Variants in GALK2 observed in about 807,000 individuals in gnomAD.
GALK2 encodes the protein N-acetylgalactosamine kinase.
A neutral mutation model predicts 52.4 loss-of-function variants in GALK2; 36 were observed. The observed-to-expected ratio is 0.69, with a 90% CI of 0.53 to 0.91. The LOEUF (loss-of-function observed/expected upper bound fraction) is 0.91, where lower values mean the gene tolerates loss of function less well. GALK2 is among the 40% of genes least tolerant of loss of function. The pLI is 0.00. For synonymous variants in GALK2, 176 were observed against 199.1 expected (o/e 0.88, Z 0.98); for missense variants, 579 against 559.1 (o/e 1.04, Z -0.36).
At chr15:49,344,496 C>T (rs561184780) in intron 3 of GALK2, among the ~76,000 whole-genome samples, 4 of 152,286 alleles carry the variant, frequency 2.6e-5, no homozygotes, top group African/African-American at 9.6e-5. Context: ...AGTTTCTCCT[C>T]TCATCCCCAA....
At chr15:49,366,557 A>G in intron 3 of GALK2, 1 of 1,592,240 alleles carries the variant, frequency 6.3e-7, no homozygotes, top group Non-Finnish European at 8.6e-7. Context: ...GTTATAAAGC[A>G]TGCAGTAGTC....
At chr15:49,247,814 A>G (rs1320250596) in intron 5 of GALK2, among the ~76,000 whole-genome samples, 2 of 152,228 alleles carry the variant, frequency 1.3e-5, no homozygotes, top group Admixed American at 1.3e-4. Flanking sequence ...TTGCAGCCTC[A>G]TGAAATTCCT....
At chr15:49,353,595 AAGTTGAAG>A (rs2042573614) in intron 3 of GALK2, 1 of 150,752 alleles carries the variant, frequency 6.6e-6, no homozygotes, top group African/African-American at 2.5e-5. Flanking sequence ...CCAATTTTTG[AAGTTGAAG>A]GAAAATAAGG....
At chr15:49,204,331 T>G (rs1457676251) in intron 2 of GALK2, among the ~76,000 whole-genome samples, 1 of 151,804 alleles carries the variant, frequency 6.6e-6, no homozygotes, top group Non-Finnish European at 1.5e-5. Context: ...TTTGGTTTTT[T>G]GGGGTCTTTT....
chr15:49,273,707 C>T (rs925865668), intron 5 of GALK2, among the ~76,000 whole-genome samples: 2 of 152,024 alleles, frequency 1.3e-5, no homozygotes, highest in African/African-American at 4.8e-5. Flanking sequence ...TGGGCTCTAC[C>T]TAATATGTTT....
chr15:49,273,087 G>A (rs1348791373), intron 5 of GALK2, among the ~76,000 whole-genome samples: 1 of 152,154 alleles, frequency 6.6e-6, no homozygotes, highest in Non-Finnish European at 1.5e-5. Context: ...AGAGTGTACT[G>A]TTGTCCTTTT....
At chr15:49,192,809 G>A (rs2086868693) in intron 1 of GALK2, among the ~76,000 whole-genome samples, 1 of 151,546 alleles carries the variant, frequency 6.6e-6, no homozygotes, top group South Asian at 2.1e-4. Context: ...ATATGTTTAA[G>A]GGCCTTTTAA....
rs192225929 is a variant in GALK2, at chr15:49,164,393, T to C, written c.20+8377T>C. Reference sequence around the variant, plus strand: ...GATAATAACCACAATCAGCTCCTCATTGAGGTGGGCAACATTGGATGGTTA... The same window carrying C: ...GATAATAACCACAATCAGCTCCTCACTGAGGTGGGCAACATTGGATGGTTA... On this transcript the variant is annotated intron_variant, in intron 1 of 9. Transcript: ENST00000327171. Among the ~76,000 whole-genome samples, 252 of 151,840 alleles carry C rather than the reference T, an allele frequency of 1.7e-3. 1 individual carries two copies. Among genetic ancestry groups the C allele is most frequent in the Non-Finnish European group, 2.4e-3 (165 of 67,948 alleles).
chr15:49,168,060 C>T, upstream of GALK2, among the ~76,000 whole-genome samples: 1 of 152,162 alleles, frequency 6.6e-6, no homozygotes, highest in Non-Finnish European at 1.5e-5. Flanking sequence ...AGTCTAGAGA[C>T]CTAGGTTTTA....
chr15:49,319,424 AC>A (rs1191413527), intron 8 of GALK2, among the ~76,000 whole-genome samples, 179 bp from the exon 9 acceptor site: 3 of 152,184 alleles, frequency 2.0e-5, no homozygotes, highest in African/African-American at 7.2e-5. Flanking sequence ...AAAAAAGTAA[AC>A]CTGACTTGCC....
chr15:49,220,079 G>A (rs1329903108), intron 3 of GALK2, among the ~76,000 whole-genome samples: 1 of 24,480 alleles, frequency 4.1e-5, no homozygotes, highest in African/African-American at 1.7e-4. Flanking sequence ...TTTTTTTTTT[G>A]AGACAGAGTC....
At chr15:49,192,060 G>A (rs1283432001) in intron 1 of GALK2, among the ~76,000 whole-genome samples, 5 of 152,022 alleles carry the variant, frequency 3.3e-5, no homozygotes, top group Non-Finnish European at 7.4e-5. Context: ...CTCTTCAGGT[G>A]GGTTTCTGTG....
chr15:49,346,297 C>T (rs778025052), intron 3 of GALK2, among the ~76,000 whole-genome samples: 2 of 152,188 alleles, frequency 1.3e-5, no homozygotes, highest in Non-Finnish European at 2.9e-5. Context: ...ACTCTACCCT[C>T]AGGTTGTGCT....
chr15:49,157,847 A>G (rs1420821426), intron 1 of GALK2, among the ~76,000 whole-genome samples: 2 of 152,132 alleles, frequency 1.3e-5, no homozygotes, highest in African/African-American at 4.8e-5. Flanking sequence ...TCTGCCTAAT[A>G]TATTACTACT....
intron 1 of GALK2, among the ~76,000 whole-genome samples, chr15:49,177,045 A>C (rs550021702): frequency 2.6e-5 from 4 of 152,186 alleles, no homozygotes; most frequent in South Asian, 2.1e-4. Context: ...TCAGCCATTT[A>C]AAAATTTTTA....
intron 8 of GALK2, among the ~76,000 whole-genome samples, chr15:49,312,144 A>C (rs8040075): frequency 6.6e-6 from 1 of 151,910 alleles, no homozygotes; most frequent in East Asian, 1.9e-4. Flanking sequence ...GACTGTGTGC[A>C]TCTATTTTAG....
chr15:49,316,832 C>T (rs2036461211), intron 8 of GALK2, among the ~76,000 whole-genome samples: 1 of 152,162 alleles, frequency 6.6e-6, no homozygotes, highest in Admixed American at 6.5e-5. Context: ...CTAAATGGCT[C>T]TGCAAGGGAG....
upstream of GALK2, among the ~76,000 whole-genome samples, chr15:49,168,191 T>C (rs149602033): frequency 3.3e-5 from 5 of 152,330 alleles, no homozygotes; most frequent in East Asian, 1.9e-4. Context: ...GCAATAGCAA[T>C]GTATCCAAGG....
At chr15:49,185,009 G>A (rs953201123) in intron 1 of GALK2, among the ~76,000 whole-genome samples, 3 of 151,980 alleles carry the variant, frequency 2.0e-5, no homozygotes, top group Admixed American at 6.6e-5. Context: ...GTTGATATGT[G>A]GGTACATGTG....
Sources: gnomAD v4.1 joint callset for allele counts (sites outside exome capture counted in the v4.1 genomes callset) on GRCh38, gnomAD v4.1.1 for gene constraint, MANE v1.5 for transcripts, NCBI Gene and HGNC (gene_info 2026-07-23, HGNC 2026-07-21) for gene names.